Variants in TENM4 observed in about 807,000 individuals in gnomAD.
TENM4 encodes teneurin transmembrane protein 4, also known as teneurin-4.
A neutral mutation model predicts 243.3 loss-of-function variants in TENM4; 82 were observed. That is an observed-to-expected ratio of 0.34 (90% CI 0.28 to 0.40). The LOEUF is 0.40. Among genes scored for constraint, TENM4 ranks in the 10% least tolerant of loss-of-function variants. The pLI is 1.00. For synonymous variants in TENM4, 1,412 were observed against 1,456.3 expected, an observed-to-expected ratio of 0.97 and a Z score of 0.69; for missense variants, 3,138 against 3,673.3, an observed-to-expected ratio of 0.85 and a Z score of 3.77.
At chr11:79,373,357 G>A (rs1363505735) in intron 1 of TENM4, among the ~76,000 whole-genome samples, 8 of 148,926 alleles carry the variant, frequency 5.4e-5, no homozygotes, top group South Asian at 2.1e-4. Flanking sequence ...TGGATGGATC[G>A]ATAAATGAAT....
chr11:79,302,535 T>C (rs911741329), intron 1 of TENM4, among the ~76,000 whole-genome samples: 9 of 152,230 alleles, frequency 5.9e-5, no homozygotes, highest in African/African-American at 2.2e-4. Flanking sequence ...TCTCCCAACA[T>C]TTTAAAACCA....
chr11:79,052,331 G>A (rs1216343050), intron 6 of TENM4, among the ~76,000 whole-genome samples: 1 of 152,198 alleles, frequency 6.6e-6, no homozygotes, highest in Non-Finnish European at 1.5e-5. Flanking sequence ...GGTGAGAGAT[G>A]ATATCTCATT....
intron 19 of TENM4, among the ~76,000 whole-genome samples, chr11:78,747,292 A>G (rs1030412125): frequency 2.6e-5 from 4 of 152,192 alleles, no homozygotes; most frequent in Non-Finnish European, 5.9e-5. Context: ...GCCTGTCAAA[A>G]GAGGGCAAGG....
At chr11:78,761,026 CT>C (rs1856419316) in intron 18 of TENM4, among the ~76,000 whole-genome samples, 1 of 151,978 alleles carries the variant, frequency 6.6e-6, no homozygotes, top group African/African-American at 2.4e-5. Flanking sequence ...CGTTTTCTCT[CT>C]TTAGTCATTT....
At chr11:79,209,508 T>C (rs182157282) in intron 3 of TENM4, among the ~76,000 whole-genome samples, 136 of 152,330 alleles carry the variant, frequency 8.9e-4, no homozygotes, top group Non-Finnish European at 1.6e-3. Context: ...CTAAGCCTAT[T>C]CATGTGTTCA....
Position 78,756,012 on chromosome 11 carries a change from G to A in TENM4, c.2756+793C>T, listed in dbSNP as rs561757024. 2.0e-5 allele frequency among the ~76,000 whole-genome samples: 3 copies of A among 152,174 alleles called. No homozygotes were observed. In the South Asian group the frequency reaches 6.2e-4, roughly 32 times the overall value. On this transcript the variant is annotated intron_variant, in intron 19 of 33. Transcript: ENST00000278550. ...TATGCTGTTCACTGCCCTGATCTAG[G>A]GTGCAGAGATTAGAGAGCTATTTTG...
chr11:79,409,200 GAA>G (rs201108563), intron 1 of TENM4, among the ~76,000 whole-genome samples: 1 of 130,750 alleles, frequency 7.6e-6, no homozygotes. Flanking sequence ...TTCTCTTCCA[GAA>G]AAAAAAAAAA....
chr11:79,276,777 C>T (rs1219544676), intron 2 of TENM4, among the ~76,000 whole-genome samples: 1 of 152,122 alleles, frequency 6.6e-6, no homozygotes, highest in Non-Finnish European at 1.5e-5. Flanking sequence ...CATTTGCAGC[C>T]TCCCCTCTCC....
intron 19 of TENM4, among the ~76,000 whole-genome samples, chr11:78,747,361 C>G (rs906270015): frequency 6.6e-6 from 1 of 152,182 alleles, no homozygotes; most frequent in Non-Finnish European, 1.5e-5. Context: ...AAAGTGGGGC[C>G]AGGATTCAGG....
chr11:78,946,652 T>C (rs1857007251), intron 6 of TENM4, among the ~76,000 whole-genome samples: 1 of 152,226 alleles, frequency 6.6e-6, no homozygotes, highest in South Asian at 2.1e-4. Context: ...TTGAAAACTT[T>C]CTGGAAAGGA....
intron 1 of TENM4, among the ~76,000 whole-genome samples, chr11:79,405,866 A>AC (rs1858558659): frequency 6.6e-6 from 1 of 151,666 alleles, no homozygotes; most frequent in South Asian, 2.1e-4. Flanking sequence ...AAAAAAAAAA[A>AC]AAAAACAACT....
intron 3 of TENM4, among the ~76,000 whole-genome samples, chr11:79,197,434 C>T (rs956595432): frequency 6.6e-6 from 1 of 151,732 alleles, no homozygotes; most frequent in African/African-American, 2.4e-5. Flanking sequence ...CGGAGAGGTA[C>T]CTTGTTTGCA....
chr11:78,754,775 C>G (rs1294110864), intron 19 of TENM4, among the ~76,000 whole-genome samples: 1 of 152,178 alleles, frequency 6.6e-6, no homozygotes, highest in Non-Finnish European at 1.5e-5. Context: ...CTTGACTAGC[C>G]TTGTGAATTT....
chr11:78,937,429 C>T (rs1373642999), intron 6 of TENM4, among the ~76,000 whole-genome samples: 2 of 152,210 alleles, frequency 1.3e-5, no homozygotes, highest in East Asian at 1.9e-4. Context: ...TCTGCTTAGA[C>T]AATCACAGTG....
intron 6 of TENM4, among the ~76,000 whole-genome samples, chr11:79,001,331 G>T (rs375912972): frequency 6.6e-6 from 1 of 152,206 alleles, no homozygotes; most frequent in East Asian, 1.9e-4. Flanking sequence ...GCAGATGCTG[G>T]GCTGAAGGCG....
intron 4 of TENM4, among the ~76,000 whole-genome samples, chr11:79,073,915 A>G (rs1860475833): frequency 1.3e-5 from 2 of 152,232 alleles, no homozygotes; most frequent in Non-Finnish European, 2.9e-5. Flanking sequence ...TAACTGGGGA[A>G]GGGGCATCCC....
chr11:79,330,590 C>T (rs1036828907), intron 1 of TENM4, among the ~76,000 whole-genome samples: 2 of 152,184 alleles, frequency 1.3e-5, no homozygotes, highest in African/African-American at 4.8e-5. Flanking sequence ...GGAATGGCCA[C>T]ATTAACACCC....
intron 28 of TENM4, among the ~76,000 whole-genome samples, chr11:78,693,866 T>C (rs1327331458): frequency 6.6e-6 from 1 of 152,064 alleles, no homozygotes; most frequent in Non-Finnish European, 1.5e-5. Flanking sequence ...ATATAAAAAT[T>C]AGCTACGCAC....
chr11:78,658,656 T>G lies in TENM4; in HGVS notation c.7712A>C (p.Lys2571Thr). The change falls in exon 34 of 34, where the codon AAG becomes ACG. Residue 2571 changes from lysine to threonine, a missense_variant. By Grantham distance (78) the Lys-to-Thr change is moderately conservative. Transcript: ENST00000278550. ...SSGSVFGKGV[K>T]FALKDGRVTT... is the part of the protein sequence containing the mutation. ...CACTCGGCCATCCTTCAAGGCAAACTTGACCCCCTTGCCAAAGACTGAGCC... is the reference window on the plus strand; with the variant it reads ...CACTCGGCCATCCTTCAAGGCAAACGTGACCCCCTTGCCAAAGACTGAGCC... 6.2e-7 allele frequency: 1 copy of G among 1,614,056 alleles called. No homozygotes were observed. Among genetic ancestry groups the G allele is most frequent in the South Asian group, 1.1e-5 (1 of 91,080 alleles).
Sources: allele counts gnomAD v4.1 joint callset (sites outside exome capture counted in the v4.1 genomes callset), GRCh38; gene constraint gnomAD v4.1.1; transcripts MANE v1.5; gene names NCBI Gene and HGNC (gene_info 2026-07-23, HGNC 2026-07-21).